The following IQUB variants were observed in gnomAD, a reference collection of about 807,000 sequenced individuals.
IQUB encodes the protein IQ motif and ubiquitin-like domain-containing protein.
IQUB carries 86 observed loss-of-function variants against 86.4 expected under a neutral mutation model. The ratio of observed to expected loss-of-function variants is 1.00; its 90% confidence interval spans 0.84 to 1.19. The LOEUF (loss-of-function observed/expected upper bound fraction) is 1.19. IQUB is among the 50% of genes most tolerant of loss of function. The probability of loss-of-function intolerance (pLI) is 0.00; values close to 1 mark genes in which losing one functional copy is unlikely to be tolerated. For synonymous variants in IQUB, 289 were observed against 304.5 expected, an observed-to-expected ratio of 0.95 and a Z score of 0.53; for missense variants, 946 against 916.9, an observed-to-expected ratio of 1.03 and a Z score of -0.41.
intron 8 of IQUB, among the ~76,000 whole-genome samples, chr7:123,479,187 T>A (rs1468526521): frequency 6.6e-6 from 1 of 152,164 alleles, no homozygotes; most frequent in Non-Finnish European, 1.5e-5. Context: ...TTGGAAAGAC[T>A]AGGTTTATAA....
intron 12 of IQUB, among the ~76,000 whole-genome samples, chr7:123,453,309 T>A (rs1793530032): frequency 6.9e-6 from 1 of 144,408 alleles, no homozygotes; most frequent in African/African-American, 2.5e-5. Context: ...GATATTGAGG[T>A]GAGAAAAAAC....
chr7:123,490,704 C>A (rs750264970), intron 7 of IQUB, among the ~76,000 whole-genome samples: 1 of 152,134 alleles, frequency 6.6e-6, no homozygotes, highest in Non-Finnish European at 1.5e-5. Context: ...TTGGCTCACG[C>A]CTGTAATCTC....
At chr7:123,525,793 T>C (rs1347089621) in intron 1 of IQUB, among the ~76,000 whole-genome samples, 36 of 152,092 alleles carry the variant, frequency 2.4e-4, no homozygotes, top group East Asian at 1.2e-3. Flanking sequence ...ATTGTGATGT[T>C]AGGATGTCAA....
At chr7:123,457,595 A>G (rs1429620027) in intron 11 of IQUB, 29 bp from the exon 12 acceptor site, 1 of 1,527,704 alleles carries the variant, frequency 6.5e-7, no homozygotes, top group Non-Finnish European at 8.9e-7. Context: ...TTTAAAAACA[A>G]TGTAGTTTAA....
intron 12 of IQUB, among the ~76,000 whole-genome samples, chr7:123,454,689 G>A (rs748368517): frequency 6.6e-6 from 1 of 152,050 alleles, no homozygotes; most frequent in Non-Finnish European, 1.5e-5. Flanking sequence ...ATTACAGAAA[G>A]GTCCCATATA....
At chr7:123,512,474 A>G in intron 1 of IQUB, 130 bp from the exon 2 acceptor site, 1 of 494,368 alleles carries the variant, frequency 2.0e-6, no homozygotes, top group Middle Eastern at 5.5e-4. Flanking sequence ...AAAAATGTTT[A>G]TCTTAGTAAT....
chr7:123,531,353 G>C (rs1683411481), intron 1 of IQUB, among the ~76,000 whole-genome samples: 1 of 152,026 alleles, frequency 6.6e-6, no homozygotes, highest in Admixed American at 6.6e-5. Context: ...AAGACTCAAA[G>C]TAAAAGCATC....
At chr7:123,492,899 T>G (rs565642217) in intron 7 of IQUB, among the ~76,000 whole-genome samples, 1 of 152,276 alleles carries the variant, frequency 6.6e-6, no homozygotes, top group Admixed American at 6.5e-5. Flanking sequence ...CAAGATCCCT[T>G]CACTTCTATA....
At chr7:123,529,033 C>T (rs1197378517) in intron 1 of IQUB, among the ~76,000 whole-genome samples, 2 of 151,986 alleles carry the variant, frequency 1.3e-5, no homozygotes, top group African/African-American at 4.8e-5. Context: ...TTGGAAAAGA[C>T]TTTTCAAAAT....
rs375900021 is a variant in IQUB at position 123,461,445 on chromosome 7, G to C, written c.1919C>G (p.Ser640Ter). ...NLQNEAQKRE[S>*]FLKYKCLLQQ... ...AAGTAAACATTTGTACTTCAAAAAT[G>C]ATTCTCGTTTTTGAGCCTCATTCTG... Residue 640 changes from serine (S) to a stop codon, truncating the protein, a stop_gained, in exon 11 of 13, where the codon TCA (serine) becomes TGA (stop). Transcript: ENST00000324698. LOFTEE classifies it high-confidence loss of function. The C allele has an allele frequency of 4.2e-5, 68 of 1,612,116 alleles. No individual in the cohort carries two copies. The highest frequency in any genetic ancestry group is 5.8e-5 in the Non-Finnish European group (68 of 1,178,798).
At chr7:123,463,084 TC>T (rs1376427046) in intron 10 of IQUB, among the ~76,000 whole-genome samples, 3 of 151,380 alleles carry the variant, frequency 2.0e-5, no homozygotes, top group Admixed American at 6.6e-5. Context: ...AAGAGTATAT[TC>T]CCCCCAAAAA....
intron 2 of IQUB, among the ~76,000 whole-genome samples, chr7:123,510,699 C>T (rs1213504171): frequency 1.3e-5 from 2 of 151,948 alleles, no homozygotes; most frequent in Admixed American, 6.6e-5. Context: ...TTACAGTTTT[C>T]GTAAAGCTAA....
At chr7:123,461,955 A>T (rs1419700132) in intron 10 of IQUB, among the ~76,000 whole-genome samples, 6 of 151,816 alleles carry the variant, frequency 4.0e-5, no homozygotes, top group Non-Finnish European at 8.8e-5. Context: ...TCTATATTAC[A>T]TTAGTTATTT....
At chr7:123,514,475 A>G (rs1236708813) in intron 1 of IQUB, among the ~76,000 whole-genome samples, 1 of 152,226 alleles carries the variant, frequency 6.6e-6, no homozygotes, top group East Asian at 1.9e-4. Context: ...CATATGGGTA[A>G]ATCCAAACAA....
chr7:123,459,139 A>T (rs1793860435), intron 11 of IQUB, among the ~76,000 whole-genome samples: 1 of 152,004 alleles, frequency 6.6e-6, no homozygotes, highest in Admixed American at 6.6e-5. Context: ...TTGGAAAAGT[A>T]ATAGACCAAA....
rs1412443117 is a variant in IQUB at position 123,525,533 on chromosome 7, G to T, written c.-5+8959C>A. On this transcript the variant is annotated intron_variant, in intron 1 of 12. Transcript: ENST00000324698. ...TCTGATGGTAGTTTGTATTTCTGTG[G>T]GATAGGTGGTGATATCCCCTTTATC... 2.4e-4 allele frequency among the ~76,000 whole-genome samples: 36 copies of T among 152,122 alleles called. 1 individual carries two copies. In the East Asian group the frequency reaches 5.8e-3, roughly 25 times the overall value.
intron 6 of IQUB, among the ~76,000 whole-genome samples, chr7:123,498,144 C>A (rs867035341): frequency 2.6e-5 from 4 of 151,682 alleles, no homozygotes; most frequent in South Asian, 2.1e-4. Flanking sequence ...CCCCTAAAAT[C>A]ATGGGGTCAG....
chr7:123,476,426 T>C (rs1281158353), intron 8 of IQUB, among the ~76,000 whole-genome samples: 1 of 152,092 alleles, frequency 6.6e-6, no homozygotes, highest in African/African-American at 2.4e-5. Flanking sequence ...TAATCAAGCA[T>C]GGCTGAAGCA....
intron 11 of IQUB, among the ~76,000 whole-genome samples, chr7:123,459,042 T>A (rs1456411811): frequency 6.6e-6 from 1 of 151,994 alleles, no homozygotes; most frequent in Non-Finnish European, 1.5e-5. Context: ...CAAATACTAT[T>A]ACTGAAATAA....
Sources: allele counts gnomAD v4.1 joint callset (sites outside exome capture counted in the v4.1 genomes callset), GRCh38; gene constraint gnomAD v4.1.1; transcripts MANE v1.5; gene names NCBI Gene and HGNC (gene_info 2026-07-23, HGNC 2026-07-21).